CELF2: variants seen among roughly 807,000 people sequenced by gnomAD.
CELF2 encodes the protein CUGBP Elav-like family member 2, also known as CUG triplet repeat RNA-binding protein 2.
CELF2 carries 8 observed loss-of-function variants against 62.6 expected under a neutral mutation model. The ratio of observed to expected loss-of-function variants is 0.13; its 90% CI spans 0.07 to 0.23. The LOEUF is 0.23. Ranked by LOEUF, CELF2 falls within the 10% of genes least tolerant of loss-of-function variation. CELF2 has a pLI of 1.00. For synonymous variants in CELF2, 258 were observed against 250.0 expected (o/e 1.03, Z -0.30); for missense variants, 333 against 671.0 (o/e 0.50, Z 5.56).
intron 1 of CELF2, among the ~76,000 whole-genome samples, chr10:11,036,914 A>T (rs1045290084): frequency 6.6e-6 from 1 of 152,018 alleles, no homozygotes; most frequent in Non-Finnish European, 1.5e-5. Context: ...GCTTTTTCTG[A>T]TTATCCTTCA....
chr10:10,620,989 C>T, the CELF2 span, among the ~76,000 whole-genome samples: 13 of 147,480 alleles, frequency 8.8e-5, 1 homozygote, highest in African/African-American at 2.5e-4. Flanking sequence ...TTTGGGAGGC[C>T]GAGGCGGGCA....
At chr10:10,468,903 G>C in the CELF2 span, among the ~76,000 whole-genome samples, 2 of 151,896 alleles carry the variant, frequency 1.3e-5, no homozygotes, top group Admixed American at 6.6e-5. Context: ...AATTCATGTT[G>C]CTCTAGTAGG....
upstream of CELF2, among the ~76,000 whole-genome samples, chr10:11,000,451 T>C (rs1384992222): frequency 6.6e-6 from 1 of 152,218 alleles, no homozygotes; most frequent in Non-Finnish European, 1.5e-5. Flanking sequence ...TGTGACACTT[T>C]ATCATGATAA....
At position 11,197,067 on chromosome 10, in the gene CELF2, A is replaced by AAAGAAAGAAAGAAAGAAAGG. The variant is rs1565234225; in HGVS notation, c.272-20355_272-20354insAAAGAAAGAAAGAAAGGAAG. Among the ~76,000 whole-genome samples the AAAGAAAGAAAGAAAGAAAGG allele has an allele frequency of 2.0e-5, 2 of 101,282 alleles. 1 individual carries two copies. The highest frequency in any genetic ancestry group is 8.8e-5 in the African/African-American group (2 of 22,742). The allele number at this position is 101,282 out of a possible 152,430, so 66.4% of individuals were successfully genotyped here. ...AAAGAAAGAAAGAAAGAAAAGAAAG[A>AAAGAAAGAAAGAAAGAAAGG]AAGGAAAGAAAGAAAGAAGAAAGAA... On this transcript the variant is annotated intron_variant, in intron 2 of 12. Transcript: ENST00000633077.
chr10:10,927,529 G>C (rs1263109564), intron 2 of CELF2, among the ~76,000 whole-genome samples: 1 of 151,916 alleles, frequency 6.6e-6, no homozygotes, highest in Non-Finnish European at 1.5e-5. Flanking sequence ...CTGGGCTCAA[G>C]TGATCCTCCT....
At chr10:10,967,941 C>CT (rs2050318674) in intron 2 of CELF2, among the ~76,000 whole-genome samples, 1 of 152,018 alleles carries the variant, frequency 6.6e-6, no homozygotes, top group African/African-American at 2.4e-5. Context: ...CACACACACC[C>CT]CATTTTATTA....
the CELF2 span, among the ~76,000 whole-genome samples, chr10:10,482,844 G>A: frequency 6.6e-6 from 1 of 152,104 alleles, no homozygotes; most frequent in African/African-American, 2.4e-5. Context: ...TCGCTCCAGT[G>A]CCAGGTACTG....
intron 2 of CELF2, among the ~76,000 whole-genome samples, chr10:11,205,840 A>G (rs2135445098): frequency 6.6e-6 from 1 of 152,320 alleles, no homozygotes; most frequent in South Asian, 2.1e-4. Flanking sequence ...AGACAGTTAT[A>G]ACGGCCATAA....
chr10:10,473,701 T>C, the CELF2 span, among the ~76,000 whole-genome samples: 1 of 152,074 alleles, frequency 6.6e-6, no homozygotes, highest in African/African-American at 2.4e-5. Context: ...TTATATTTAC[T>C]ATGCAGATCA....
rs2066445756 is a variant in CELF2 at position 10,934,698 on chromosome 10, T to C, written c.89+14699T>C. ...AAATGCAGAGCTAGAAAGAGGGTTG[T>C]TTTTTACTGAGTTCGAGAGGGTGAG... On this transcript the variant is annotated intron_variant, in intron 2 of 13. Transcript: ENST00000636488. The surrounding 1 kb of genome is among the most constrained non-coding windows in gnomAD (Gnocchi z 4.4). 1 of 152,172 alleles carries C rather than the reference T, an allele frequency of 6.6e-6. No individual in the cohort carries two copies. The highest frequency in any genetic ancestry group is 6.5e-5 in the Admixed American group (1 of 15,270). 9.4% of individuals were successfully genotyped at this position (152,172 alleles called of 1,614,324 possible). A position where few individuals can be genotyped will look rare whatever the true frequency, so the allele number is the denominator to read the frequency against.
chr10:10,815,902 TTG>T (rs2056414195), intron 1 of CELF2, among the ~76,000 whole-genome samples: 1 of 102,044 alleles, frequency 9.8e-6, no homozygotes. Context: ...GGGGTTTGGG[TTG>T]TTTTTTTTTT....
At chr10:10,860,051 C>A (rs1249065350) in intron 1 of CELF2, among the ~76,000 whole-genome samples, 1 of 151,992 alleles carries the variant, frequency 6.6e-6, no homozygotes, top group African/African-American at 2.4e-5. Flanking sequence ...GTTAAGGTAT[C>A]TTTTTATGAA....
intron 2 of CELF2, among the ~76,000 whole-genome samples, chr10:10,951,452 A>G (rs2048310515): frequency 1.3e-5 from 2 of 152,206 alleles, no homozygotes; most frequent in African/African-American, 4.8e-5. Context: ...CCAACACAAA[A>G]AAAAGATTTT....
At chr10:10,838,868 A>G (rs548329655) in intron 1 of CELF2, among the ~76,000 whole-genome samples, 6 of 152,140 alleles carry the variant, frequency 3.9e-5, no homozygotes, top group Non-Finnish European at 7.4e-5. Flanking sequence ...GGCCGGGCAC[A>G]GTGGCTCACA....
rs1363000296 is a variant in CELF2, at chr10:11,335,424, C to T, written c.*6371C>T. On this transcript the variant is annotated 3_prime_UTR_variant, in exon 13 of 13. Transcript: ENST00000633077. This position sits in a 1 kb window ranked among gnomAD's most constrained non-coding sequence, Gnocchi z 5.0. ...AGTGAAATCTCTCCCAGTAGGTGCT[C>T]AGGCTCTTCACCCTCTCGTTGCAGC... is the stretch of plus-strand genomic sequence containing the variant. 1.3e-4 allele frequency: 20 copies of T among 152,358 alleles called. No homozygotes were observed. The highest frequency in any genetic ancestry group is 1.3e-3 in the Admixed American group (20 of 15,286). 9.4% of individuals were successfully genotyped at this position (152,358 alleles called of 1,614,324 possible).
In CELF2 at chr10:11,336,411, T is replaced by C. The variant is rs1417597097; in HGVS notation, c.*7358T>C. ...ACGTTTCTATTGAGTGAAAATGATA[T>C]CTTAACAAAATCTATGCACTTGCTA... is the stretch of plus-strand genomic sequence containing the variant. On this transcript the variant is annotated 3_prime_UTR_variant, in exon 13 of 13. Transcript: ENST00000633077. The surrounding 1 kb of genome is among the most constrained non-coding windows in gnomAD (Gnocchi z 5.4). The C allele has an allele frequency of 7.2e-5, 11 of 152,662 alleles. No individual in the cohort carries two copies. Among genetic ancestry groups the C allele is most frequent in the Non-Finnish European group, 1.5e-5 (1 of 68,040 alleles). The allele number at this position is 152,662 out of a possible 1,614,324, so 9.5% of individuals were successfully genotyped here.
At chr10:10,742,216 G>T in the CELF2 span, among the ~76,000 whole-genome samples, 1 of 142,174 alleles carries the variant, frequency 7.0e-6, no homozygotes, top group Non-Finnish European at 1.5e-5. Flanking sequence ...AAAAATTTTG[G>T]TTTTGTTAAC....
the CELF2 span, among the ~76,000 whole-genome samples, chr10:10,466,489 T>G: frequency 2.6e-5 from 4 of 152,134 alleles, no homozygotes; most frequent in East Asian, 5.8e-4. Flanking sequence ...ATTTGGGAAC[T>G]GTTATAAGTA....
the CELF2 span, among the ~76,000 whole-genome samples, chr10:10,748,944 G>A: frequency 8.8e-4 from 134 of 152,144 alleles, no homozygotes; most frequent in Non-Finnish European, 1.3e-3. Flanking sequence ...TTTGGTGAGT[G>A]AGATGAGAAT....
Sources: allele counts gnomAD v4.1 joint callset (sites outside exome capture counted in the v4.1 genomes callset), GRCh38; gene constraint gnomAD v4.1.1; non-coding constraint Gnocchi (gnomAD v3.1); transcripts MANE v1.5; gene names NCBI Gene and HGNC (gene_info 2026-07-23, HGNC 2026-07-21).